HLA-DRB1: variants seen among roughly 807,000 people sequenced by gnomAD.
HLA-DRB1 encodes the protein major histocompatibility complex, class II, DR beta 1 precursor.
HLA-DRB1 carries 10 observed loss-of-function variants against 27.9 expected under a neutral mutation model. The observed-to-expected ratio is 0.36, with a 90% CI of 0.22 to 0.61. The LOEUF (loss-of-function observed/expected upper bound fraction) is 0.61. Among genes scored for constraint, HLA-DRB1 ranks in the 20% least tolerant of loss-of-function variants. The pLI, the probability that HLA-DRB1 is intolerant of heterozygous loss-of-function variation, is 0.73. For synonymous variants in HLA-DRB1, 57 were observed against 126.7 expected (o/e 0.45, Z 3.69); for missense variants, 118 against 306.3 (o/e 0.39, Z 4.59).
chr6:32,589,663 G>C, exon 1 of HLA-DRB1: 1 of 1,101,466 alleles, frequency 9.1e-7, no homozygotes, highest in Non-Finnish European at 1.2e-6. Context: ...CCCAGACAAA[G>C]CCAGTGGGGA....
chr6:32,584,705 C>CT (rs9281876), intron 1 of HLA-DRB1, among the ~76,000 whole-genome samples: 6,908 of 98,984 alleles, frequency 0.07, 361 homozygotes, highest in Middle Eastern at 0.16. Flanking sequence ...TCCTGGGAGC[C>CT]CCAAAGACAC....
intron 2 of HLA-DRB1, among the ~76,000 whole-genome samples, chr6:32,582,147 G>A (rs1434844131): frequency 1.3e-4 from 16 of 121,860 alleles, no homozygotes; most frequent in African/African-American, 4.4e-4. Flanking sequence ...TTTGAGCCAG[G>A]TTGCCTGGTT....
rs908292652 is a variant in HLA-DRB1, at chr6:32,585,829, T to C, written c.101-1451A>G. Among the ~76,000 whole-genome samples, 81 of 142,854 alleles carry C rather than the reference T, an allele frequency of 5.7e-4. 1 individual carries two copies. The highest frequency in any genetic ancestry group is 5.1e-3 in the East Asian group (22 of 4,286). 93.7% of individuals were successfully genotyped at this position (142,854 alleles called of 152,430 possible). ...AATTTGTAATACTGGGTGTTACTTA[T>C]AACCTCTCAATTTTAGATTCCAGAG... On this transcript the variant is annotated intron_variant, in intron 1 of 5. Transcript: ENST00000360004.
chr6:32,588,426 A>C (rs9270197), intron 1 of HLA-DRB1, among the ~76,000 whole-genome samples: 45,732 of 75,300 alleles, frequency 0.61, 17,281 homozygotes, highest in Middle Eastern at 0.83. Context: ...TGAGCTATAG[A>C]CTGGGTGACA....
chr6:32,582,354 T>C (rs2150769344), intron 2 of HLA-DRB1, among the ~76,000 whole-genome samples: 1 of 126,702 alleles, frequency 7.9e-6, no homozygotes, highest in South Asian at 2.6e-4. Context: ...AGCTTCTCAC[T>C]CCATTCCACT....
At chr6:32,587,274 C>T (rs34563311) in intron 1 of HLA-DRB1, among the ~76,000 whole-genome samples, 16,706 of 54,376 alleles carry the variant, frequency 0.31, 7,206 homozygotes, top group Non-Finnish European at 0.34. Context: ...CCCAGCTAAT[C>T]GGGAGGCTGA....
At chr6:32,586,574 T>C (rs9270089) in intron 1 of HLA-DRB1, among the ~76,000 whole-genome samples, 13,823 of 36,140 alleles carry the variant, frequency 0.38, 4,959 homozygotes, top group Middle Eastern at 0.52. Context: ...TCTTTTTTCT[T>C]CACACAATCC....
exon 3 of HLA-DRB1, chr6:32,581,568 G>A (rs752658977): frequency 2.6e-6 from 3 of 1,132,228 alleles, no homozygotes; most frequent in South Asian, 1.4e-5. Flanking sequence ...CCATTCCACT[G>A]TGAGAGGGCT....
At chr6:32,580,665 A>T in intron 4 of HLA-DRB1, 81 bp downstream of exon 4, 1 of 1,230,860 alleles carries the variant, frequency 8.1e-7, no homozygotes, top group Non-Finnish European at 1.1e-6. Flanking sequence ...CCACTCATAT[A>T]CTGAGAACTA....
rs777165385 is a variant in HLA-DRB1 at position 32,579,126 on chromosome 6, G to A, written c.788-22C>T. Reference sequence around the variant, plus strand: ...AATCCTGCAAAAGACAGAGGAGAGTGTTGTTTTCAACCTGGCTCTACTAAC... The same window carrying A: ...AATCCTGCAAAAGACAGAGGAGAGTATTGTTTTCAACCTGGCTCTACTAAC... On this transcript the variant is annotated intron_variant, in intron 5 of 5. Transcript: ENST00000360004. The A allele has an allele frequency of 2.2e-6, 2 of 924,206 alleles. 1 individual carries two copies. Among genetic ancestry groups the A allele is most frequent in the Non-Finnish European group, 2.9e-6 (2 of 684,656 alleles). The allele number at this position is 924,206 out of a possible 1,614,324, so 57.3% of individuals were successfully genotyped here.
intron 2 of HLA-DRB1, among the ~76,000 whole-genome samples, chr6:32,582,426 T>G (rs34077178): frequency 0.53 from 49,620 of 93,758 alleles, 12,180 homozygotes; most frequent in Middle Eastern, 0.68. Flanking sequence ...CTTGTACACC[T>G]TGACAGAAAA....
intron 3 of HLA-DRB1, among the ~76,000 whole-genome samples, 155 bp downstream of exon 3, chr6:32,581,402 A>C (rs28732322): frequency 2.6e-5 from 1 of 38,904 alleles, no homozygotes; most frequent in Admixed American, 3.2e-4. Context: ...TTCTAGAAAC[A>C]CCTACAGGGC....
At chr6:32,588,855 A>G (rs9270220) in intron 1 of HLA-DRB1, among the ~76,000 whole-genome samples, 80,063 of 118,610 alleles carry the variant, frequency 0.68, 28,219 homozygotes, top group Middle Eastern at 0.81. Flanking sequence ...GTTAGAGCAC[A>G]TAGGAGATGC....
chr6:32,582,018 T>C (rs1483416712), intron 2 of HLA-DRB1, among the ~76,000 whole-genome samples, 180 bp from the exon 3 acceptor site: 66 of 113,796 alleles, frequency 5.8e-4, no homozygotes, highest in African/African-American at 2.4e-3. Flanking sequence ...TGAGGACCCA[T>C]TAGATTTGAG....
chr6:32,585,688 G>T (rs35814026), intron 1 of HLA-DRB1, among the ~76,000 whole-genome samples: 4 of 109,970 alleles, frequency 3.6e-5, no homozygotes, highest in East Asian at 2.9e-4. Context: ...CAGAAACACT[G>T]GTTTATGTCA....
At chr6:32,585,076 A>AT (rs1358517981) in intron 1 of HLA-DRB1, among the ~76,000 whole-genome samples, 15,597 of 105,120 alleles carry the variant, frequency 0.15, 3,245 homozygotes, top group Non-Finnish European at 0.15. Context: ...CTCTAGCCCA[A>AT]CTTGCTAGTC....
intron 1 of HLA-DRB1, among the ~76,000 whole-genome samples, chr6:32,586,065 CTGGCTGTGTTAAAT>C (rs1776337524): frequency 1.5e-5 from 1 of 65,344 alleles, no homozygotes; most frequent in African/African-American, 5.9e-5. Context: ...GTGTGAAATA[CTGGCTGTGTTAAAT>C]ATTGGCTGTG....
At chr6:32,581,293 A>G (rs9269787) in intron 3 of HLA-DRB1, among the ~76,000 whole-genome samples, 310 of 55,850 alleles carry the variant, frequency 5.6e-3, no homozygotes, top group East Asian at 9.6e-3. Flanking sequence ...AGCCTGGGAG[A>G]GTGGGTGACC....
At chr6:32,583,460 A>G (rs34371517) in intron 2 of HLA-DRB1, among the ~76,000 whole-genome samples, 100 of 43,994 alleles carry the variant, frequency 2.3e-3, no homozygotes, top group Admixed American at 3.6e-3. Flanking sequence ...AGTCATTTCT[A>G]CTATGTAAAA....
Sources: gnomAD v4.1 joint callset for allele counts (sites outside exome capture counted in the v4.1 genomes callset) on GRCh38, gnomAD v4.1.1 for gene constraint, MANE v1.5 for transcripts, NCBI Gene and HGNC (gene_info 2026-07-23, HGNC 2026-07-21) for gene names.